HAX1: variants seen among roughly 807,000 people sequenced by gnomAD.
HAX1 encodes the protein HCLS1 associated protein X-1.
Under a neutral mutation model 31.1 loss-of-function variants are expected in HAX1, and 27 were observed. That is an observed-to-expected ratio of 0.87 (90% CI 0.64 to 1.20). The LOEUF (loss-of-function observed/expected upper bound fraction) is 1.20, where lower values mean the gene tolerates loss of function less well. Among genes scored for constraint, HAX1 ranks in the 50% most tolerant of loss-of-function variants. HAX1 has a pLI of 0.00. For synonymous variants in HAX1, 114 were observed against 124.1 expected (o/e 0.92, Z 0.54); for missense variants, 357 against 361.6 (o/e 0.99, Z 0.10).
At position 154,275,843 on chromosome 1, in the gene HAX1, C is replaced by G; in HGVS notation, c.*142C>G. The G allele has an allele frequency of 1.4e-6, 1 of 696,162 alleles. No individual in the cohort carries two copies. The highest frequency in any genetic ancestry group is 2.6e-6 in the Non-Finnish European group (1 of 378,826). The allele number at this position is 696,162 out of a possible 1,614,324, so 43.1% of individuals were successfully genotyped here. Reference sequence around the variant, plus strand: ...GGGCCATGTCAGTTTGTCACTCACCCAAACTGACCAATAAAACCTTTATTT... The same window carrying G: ...GGGCCATGTCAGTTTGTCACTCACCGAAACTGACCAATAAAACCTTTATTT... On this transcript the variant is annotated 3_prime_UTR_variant, in exon 7 of 7. Coordinates refer to ENST00000328703, the MANE Select transcript of HAX1 (RefSeq NM_006118.4).
intron 3 of HAX1, 149 bp downstream of exon 3, chr1:154,274,110 C>G: frequency 5.2e-5 from 37 of 714,128 alleles, no homozygotes; most frequent in South Asian, 7.8e-5. Flanking sequence ...GAGTTGGAGA[C>G]CAGCCTGGTC....
intron 5 of HAX1, 42 bp from the exon 6 acceptor site, chr1:154,275,351 C>A (rs962833275): frequency 2.5e-6 from 4 of 1,589,168 alleles, no homozygotes; most frequent in Non-Finnish European, 3.5e-6. Context: ...TGAGCATAAC[C>A]TTTAGTAACA....
At chr1:154,273,641 G>A in intron 2 of HAX1, 43 bp downstream of exon 2, 1 of 1,607,668 alleles carries the variant, frequency 6.2e-7, no homozygotes, top group South Asian at 1.1e-5. Context: ...TTTCTGGTGG[G>A]TTGGTGGGTG....
In HAX1 at chr1:154,275,825, G is replaced by A. The variant is rs1487259190; in HGVS notation, c.*124G>A. ...ATGTGGAATAGTGAACTGGGGCCATGTCAGTTTGTCACTCACCCAAACTGA... is the reference window on the plus strand; with the variant it reads ...ATGTGGAATAGTGAACTGGGGCCATATCAGTTTGTCACTCACCCAAACTGA... On this transcript the variant is annotated 3_prime_UTR_variant, in exon 7 of 7. Transcript: ENST00000328703. 1 of 731,436 alleles carries A rather than the reference G, an allele frequency of 1.4e-6. No individual in the cohort carries two copies. The highest frequency in any genetic ancestry group is 2.5e-6 in the Non-Finnish European group (1 of 400,322). The allele number at this position is 731,436 out of a possible 1,614,324, so 45.3% of individuals were successfully genotyped here.
Position 154,275,664 on chromosome 1 carries a change from T to G in HAX1, c.803T>G (p.Leu268Arg). 1 of 1,614,044 alleles carries G rather than the reference T, an allele frequency of 6.2e-7. No individual in the cohort carries two copies. Among genetic ancestry groups the G allele is most frequent in the African/African-American group, 1.3e-5 (1 of 75,046 alleles). The change falls in exon 7 of 7, where the codon CTG becomes CGG. Residue 268 changes from leucine to arginine, a missense_variant. Transcript: ENST00000328703. ...GCCCTGGATGATGCCTTTTCCATCC[T>G]GGACTTATTCCTGGGACGTTGGTTC... is the stretch of plus-strand genomic sequence containing the variant. ...PPALDDAFSILDLFLGRWFRS... is the reference protein window; with the variant it reads ...PPALDDAFSIRDLFLGRWFRS...
At chr1:154,272,835 A>G in intron 1 of HAX1, 59 bp downstream of exon 1, 2 of 1,476,250 alleles carry the variant, frequency 1.4e-6, no homozygotes, top group Non-Finnish European at 9.5e-7. Flanking sequence ...CTTGACCCCT[A>G]CGTCTTATTT....
In HAX1 at chr1:154,273,412, T is replaced by TA. The variant is rs1572018284; in HGVS notation, c.130_131insA (p.Trp44Ter). The TA allele has an allele frequency of 6.2e-7, 1 of 1,614,060 alleles. No homozygotes were observed. Among genetic ancestry groups the TA allele is most frequent in the Middle Eastern group, 1.6e-4 (1 of 6,062 alleles). The change falls in exon 2 of 7, where the codon TGG (tryptophan) becomes TAGG (stop). Residue 44 changes from tryptophan (W) to a stop codon, truncating the protein, a stop_gained and frameshift_variant. Coordinates refer to ENST00000328703, the MANE Select transcript of HAX1 (RefSeq NM_006118.4). LOFTEE classifies it high-confidence loss of function. ...GGAAGAAGAAGAAGAAGGGGGCTCA[T>TA]GGGGCCGTGGGAACCCAAGGTTCCA... ...DEEEEEEGGS[W>*]GRGNPRFHSP...
rs769565986 is a variant in HAX1 at position 154,275,647 on chromosome 1, T to C, written c.786T>C (p.Asp262=). Residue 262 remains aspartate (D), a synonymous_variant, in exon 7 of 7, where the codon GAT becomes GAC. Coordinates refer to ENST00000328703, the MANE Select transcript of HAX1 (RefSeq NM_006118.4). The part of the protein sequence containing the change: ...DPESPRPPAL[D]DAFSILDLFL... Reference sequence around the variant, plus strand: ...AATCACCAAGACCTCCAGCCCTGGATGATGCCTTTTCCATCCTGGACTTAT... The same window carrying C: ...AATCACCAAGACCTCCAGCCCTGGACGATGCCTTTTCCATCCTGGACTTAT... 3 of 1,614,120 alleles carry C rather than the reference T, an allele frequency of 1.9e-6. No homozygotes were observed. The South Asian group carries it at 3.3e-5, about 18-fold the overall frequency.
rs1172410325 is a variant in HAX1, at chr1:154,275,393, A to G, written c.664A>G (p.Ile222Val). ...ATATGGTGGGGACTTCTCTTTGTAG[A>G]TAGTGGAGGAGCGCCGGACTGTGGT... is the stretch of plus-strand genomic sequence containing the variant. Reference protein sequence around the residue: ...SVTKITKPDGIVEERRTVVDS... With the variant: ...SVTKITKPDGVVEERRTVVDS... Residue 222 changes from isoleucine (I) to valine (V), a missense_variant and splice_region_variant, in exon 6 of 7, where the codon ATA (isoleucine) becomes GTA (valine). Physicochemically the swap from Ile to Val is conservative, Grantham distance 29. Coordinates refer to ENST00000328703, the MANE Select transcript of HAX1 (RefSeq NM_006118.4). The G allele has an allele frequency of 6.2e-7, 1 of 1,613,718 alleles. No individual in the cohort carries two copies. Among genetic ancestry groups the G allele is most frequent in the South Asian group, 1.1e-5 (1 of 91,068 alleles).
intron 3 of HAX1, 30 bp from the exon 4 acceptor site, chr1:154,274,920 T>C: frequency 1.9e-6 from 3 of 1,565,620 alleles, no homozygotes; most frequent in Non-Finnish European, 2.6e-6. Context: ...TTGGAAGGAG[T>C]CTTTTCACTT....
chr1:154,275,744 A>G lies in HAX1; in HGVS notation c.*43A>G. ...GGCCTTCAAGTCCTTTCCACCTCTC[A>G]CCCATTGCCCACCATTAATAAGCTT... On this transcript the variant is annotated 3_prime_UTR_variant, in exon 7 of 7. Transcript: ENST00000328703. 2.3e-6 allele frequency: 3 copies of G among 1,282,838 alleles called. No homozygotes were observed. The highest frequency in any genetic ancestry group is 3.4e-6 in the Non-Finnish European group (3 of 879,308). The allele number at this position is 1,282,838 out of a possible 1,614,324, so 79.5% of individuals were successfully genotyped here. A position where few individuals can be genotyped will look rare whatever the true frequency, so the allele number is the denominator to read the frequency against.
chr1:154,272,782 A>AT lies in HAX1; in HGVS notation c.53+6_53+7insT. On this transcript the variant is annotated splice_region_variant and intron_variant, in intron 1 of 6. Transcript: ENST00000328703. ...GGCTTTCCTGGACCTCGGAGGTGAG[A>AT]GTAGGTCCGGCTCGGACAAGGGTGG... 6.2e-7 allele frequency: 1 copy of AT among 1,613,654 alleles called. No individual in the cohort carries two copies.
chr1:154,274,655 G>A (rs1253550241), intron 3 of HAX1, among the ~76,000 whole-genome samples: 1 of 152,074 alleles, frequency 6.6e-6, no homozygotes, highest in African/African-American at 2.4e-5. Flanking sequence ...TCTTTGGGGG[G>A]AGATGGGTGT....
At chr1:154,274,165 C>T (rs1044665596) in intron 3 of HAX1, among the ~76,000 whole-genome samples, 5 of 151,982 alleles carry the variant, frequency 3.3e-5, no homozygotes, top group Admixed American at 3.3e-4. Context: ...AAAAATTAGC[C>T]GGGCATGGTG....
chr1:154,275,621 G>C lies in HAX1; in HGVS notation c.760G>C (p.Glu254Gln). Residue 254 changes from glutamate (E) to glutamine (Q), a missense_variant, in exon 7 of 7, where the codon GAA (glutamate) becomes CAA (glutamine). By Grantham distance (29) the Glu-to-Gln change is conservative. Coordinates refer to ENST00000328703, the MANE Select transcript of HAX1 (RefSeq NM_006118.4). ...EADSSPRGDP[E>Q]SPRPPALDDA... ...TGTATGACTTTCTTCCTTAGATCCA[G>C]AATCACCAAGACCTCCAGCCCTGGA... is the stretch of plus-strand genomic sequence containing the variant. 3 of 1,613,422 alleles carry C rather than the reference G, an allele frequency of 1.9e-6. No individual in the cohort carries two copies. The highest frequency in any genetic ancestry group is 1.3e-5 in the African/African-American group (1 of 75,028).
chr1:154,272,737 A>G lies in HAX1; in HGVS notation c.14A>G (p.Asp5Gly), dbSNP rs747374340. 6.2e-6 allele frequency: 10 copies of G among 1,613,880 alleles called. No individual in the cohort carries two copies. The highest frequency in any genetic ancestry group is 8.5e-7 in the Non-Finnish European group (1 of 1,180,026). The change falls in exon 1 of 7, where the codon GAT becomes GGT. Residue 5 changes from aspartate to glycine, a missense_variant. Transcript: ENST00000328703. ...CCCAGTACGGGAATGAGCCTCTTTG[A>G]TCTCTTCCGGGGCTTTTTCGGCTTT... MSLF[D>G]LFRGFFGFPG...
chr1:154,273,518 T>C lies in HAX1; in HGVS notation c.236T>C (p.Phe79Ser). 1 of 1,614,162 alleles carries C rather than the reference T, an allele frequency of 6.2e-7. No individual in the cohort carries two copies. ...GGAGGGATACGTTTCCACGATAACTTCGGCTTTGATGACCTAGTACGAGAT... is the reference window on the plus strand; with the variant it reads ...GGAGGGATACGTTTCCACGATAACTCCGGCTTTGATGACCTAGTACGAGAT... ...PGGGIRFHDN[F>S]GFDDLVRDFN... The change falls in exon 2 of 7, where the codon TTC becomes TCC. Residue 79 changes from phenylalanine to serine, a missense_variant. Physicochemically the swap from Phe to Ser is radical, Grantham distance 155. Transcript: ENST00000328703.
chr1:154,275,303 C>T (rs776836844), intron 5 of HAX1, 43 bp downstream of exon 5: 5 of 1,547,002 alleles, frequency 3.2e-6, no homozygotes, highest in Admixed American at 1.7e-5. Flanking sequence ...GGCCAGGGAA[C>T]GAATGCCCTG....
In HAX1 at chr1:154,272,716, G is replaced by GT; in HGVS notation, c.-7dup. ...GAGGGGTTCAAAGGTTCGCGTCCCA[G>GT]TACGGGAATGAGCCTCTTTGATCTC... On this transcript the variant is annotated 5_prime_UTR_variant, in exon 1 of 7. Transcript: ENST00000328703. 1 of 1,614,156 alleles carries GT rather than the reference G, an allele frequency of 6.2e-7. No individual in the cohort carries two copies. The highest frequency in any genetic ancestry group is 1.1e-5 in the South Asian group (1 of 91,058).
Sources: allele counts gnomAD v4.1 joint callset (sites outside exome capture counted in the v4.1 genomes callset), GRCh38; gene constraint gnomAD v4.1.1; transcripts MANE v1.5; gene names NCBI Gene and HGNC (gene_info 2026-07-23, HGNC 2026-07-21).